PM20D2: variants seen among roughly 807,000 people sequenced by gnomAD.
PM20D2 encodes the protein peptidase M20 domain containing 2.
PM20D2 carries 33 observed loss-of-function variants against 42.9 expected under a neutral mutation model. That is an observed-to-expected ratio of 0.77 (90% CI 0.58 to 1.03). PM20D2 has a LOEUF of 1.03. Among genes scored for constraint, PM20D2 ranks in the 50% least tolerant of loss-of-function variants. The pLI is 0.00. For synonymous variants in PM20D2, 250 were observed against 228.2 expected, an observed-to-expected ratio of 1.10 and a Z score of -0.86; for missense variants, 548 against 557.0, an observed-to-expected ratio of 0.98 and a Z score of 0.16.
rs776664617 is a variant in PM20D2, at chr6:89,154,764, T to C, written c.774T>C (p.Gly258=). 4 of 1,542,156 alleles carry C rather than the reference T, an allele frequency of 2.6e-6. No homozygotes were observed. The Admixed American group carries it at 6.2e-5, about 24-fold the overall frequency. The stretch of plus-strand genomic sequence containing the variant: ...TTTTTATAGGTATAATAAAAAATGG[T>C]GGTGTAAAACCCAATATCATTCCCT... The part of the protein sequence containing the change: ...TWRVHGIIKN[G]GVKPNIIPSY... The change falls in exon 4 of 7, where the codon GGT becomes GGC. Residue 258 remains glycine (G), a synonymous_variant. Transcript: ENST00000275072.
the PM20D2 span, among the ~76,000 whole-genome samples, chr6:89,106,321 C>T: frequency 6.6e-6 from 1 of 152,092 alleles, no homozygotes; most frequent in African/African-American, 2.4e-5. Flanking sequence ...CCATGTTGGT[C>T]AGGCTGGTCT....
chr6:89,113,615 AT>A, the PM20D2 span, among the ~76,000 whole-genome samples: 1 of 151,818 alleles, frequency 6.6e-6, no homozygotes, highest in Non-Finnish European at 1.5e-5. Flanking sequence ...GGCCCCAAAG[AT>A]TTTGTTTATA....
chr6:89,128,016 C>T, the PM20D2 span, among the ~76,000 whole-genome samples: 5 of 152,094 alleles, frequency 3.3e-5, no homozygotes, highest in South Asian at 2.1e-4. Flanking sequence ...GATTGTAAAA[C>T]GTGTGTTTGA....
chr6:89,111,261 A>C, the PM20D2 span, among the ~76,000 whole-genome samples: 1 of 152,188 alleles, frequency 6.6e-6, no homozygotes, highest in Non-Finnish European at 1.5e-5. Flanking sequence ...GGCATGTGCC[A>C]GCACACCTTG....
chr6:89,158,532 A>G, intron 5 of PM20D2, 72 bp downstream of exon 5: 1 of 1,539,104 alleles, frequency 6.5e-7, no homozygotes, highest in Non-Finnish European at 8.8e-7. Context: ...AATTGGTTGT[A>G]TTTAATGGTT....
chr6:89,135,925 C>T, the PM20D2 span, among the ~76,000 whole-genome samples: 8 of 151,102 alleles, frequency 5.3e-5, no homozygotes, highest in Non-Finnish European at 1.0e-4. Context: ...TATCCATATA[C>T]TTATGGTGTT....
At chr6:89,142,841 G>A (rs996890360), upstream of PM20D2, among the ~76,000 whole-genome samples, 1 of 151,994 alleles carries the variant, frequency 6.6e-6, no homozygotes, top group Non-Finnish European at 1.5e-5. Context: ...GTATTTTTTA[G>A]TAGAGACGGG....
the PM20D2 span, among the ~76,000 whole-genome samples, chr6:89,140,271 CAT>C: frequency 3.3e-5 from 5 of 151,978 alleles, no homozygotes; most frequent in South Asian, 4.1e-4. Flanking sequence ...TTAGAACACA[CAT>C]ATTTTTATTA....
At chr6:89,142,908 TCGG>T (rs1770381834), upstream of PM20D2, among the ~76,000 whole-genome samples, 1 of 152,198 alleles carries the variant, frequency 6.6e-6, no homozygotes, top group Non-Finnish European at 1.5e-5. Context: ...ACCACCCACC[TCGG>T]CCTCCCAGAG....
At position 89,164,378 on chromosome 6, in the gene PM20D2, G is replaced by A. The variant is rs1048051732; in HGVS notation, c.*2115G>A. ...TGTAAGAAGAAAAGACACTTGCAAA[G>A]GAAGAGCTAAGATTAACATAATTTC... On this transcript the variant is annotated 3_prime_UTR_variant, in exon 7 of 7. Coordinates refer to ENST00000275072, the MANE Select transcript of PM20D2 (RefSeq NM_001010853.3). 1 of 152,570 alleles carries A rather than the reference G, an allele frequency of 6.6e-6. No homozygotes were observed. The highest frequency in any genetic ancestry group is 2.4e-5 in the African/African-American group (1 of 41,434). The allele number at this position is 152,570 out of a possible 1,614,324, so 9.5% of individuals were successfully genotyped here.
At chr6:89,107,659 T>C in the PM20D2 span, among the ~76,000 whole-genome samples, 4 of 151,962 alleles carry the variant, frequency 2.6e-5, no homozygotes, top group South Asian at 8.3e-4. Flanking sequence ...TGAGTGAGCA[T>C]GGGGAGGTTG....
the PM20D2 span, among the ~76,000 whole-genome samples, chr6:89,095,793 A>T: frequency 1.3e-5 from 2 of 152,218 alleles, no homozygotes; most frequent in African/African-American, 4.8e-5. Context: ...TTTGTGCATT[A>T]TTCCTGGGGA....
chr6:89,106,198 G>T, the PM20D2 span, among the ~76,000 whole-genome samples: 1 of 152,104 alleles, frequency 6.6e-6, no homozygotes, highest in Admixed American at 6.6e-5. Flanking sequence ...TCAGCTCACT[G>T]TAAGCCCAGG....
the PM20D2 span, among the ~76,000 whole-genome samples, chr6:89,129,388 G>C: frequency 6.6e-6 from 1 of 152,170 alleles, no homozygotes; most frequent in Non-Finnish European, 1.5e-5. Context: ...GGAGGCCAAC[G>C]CAGGAGGATT....
At chr6:89,105,808 T>C in the PM20D2 span, 1 of 188,900 alleles carries the variant, frequency 5.3e-6, no homozygotes, top group African/African-American at 2.3e-5. Context: ...GCAGTATGCA[T>C]GTATAATTTG....
At chr6:89,098,381 T>A in the PM20D2 span, 1 of 562,034 alleles carries the variant, frequency 1.8e-6, no homozygotes, top group Non-Finnish European at 2.9e-6. Flanking sequence ...ATTAGACAAA[T>A]CATAATTTGT....
At chr6:89,099,058 G>C in the PM20D2 span, 80 of 1,282,076 alleles carry the variant, frequency 6.2e-5, no homozygotes, top group African/African-American at 9.6e-4. Context: ...ATTTTTACTA[G>C]ATAAGCTAAA....
upstream of PM20D2, among the ~76,000 whole-genome samples, chr6:89,142,571 AG>A (rs964176006): frequency 2.0e-5 from 3 of 152,168 alleles, no homozygotes; most frequent in African/African-American, 7.2e-5. Flanking sequence ...AGGTATTATA[AG>A]TTTGATTTTT....
At chr6:89,098,821 C>A in the PM20D2 span, 3 of 1,613,912 alleles carry the variant, frequency 1.9e-6, no homozygotes, top group Non-Finnish European at 2.5e-6. Context: ...AGGACTTGGA[C>A]CTTGACCGTC....
Sources: allele counts gnomAD v4.1 joint callset (sites outside exome capture counted in the v4.1 genomes callset), GRCh38; gene constraint gnomAD v4.1.1; transcripts MANE v1.5; gene names NCBI Gene and HGNC (gene_info 2026-07-23, HGNC 2026-07-21).